LUC7L3: variants seen among roughly 807,000 people sequenced by gnomAD.
LUC7L3 encodes LUC7 like 3 pre-mRNA splicing factor, also known as luc7-like protein 3.
In LUC7L3, 6 loss-of-function variants were observed where a neutral mutation model predicts 66.8. The ratio of observed to expected loss-of-function variants is 0.09; its 90% confidence interval spans 0.05 to 0.18. LUC7L3 has a LOEUF of 0.18. LUC7L3 is among the 10% of genes least tolerant of loss of function. The pLI is 1.00. For synonymous variants in LUC7L3, 160 were observed against 174.7 expected (o/e 0.92, Z 0.66); for missense variants, 341 against 531.1 (o/e 0.64, Z 3.52).
intron 9 of LUC7L3, 117 bp from the exon 10 acceptor site, chr17:50,750,384 T>G: frequency 1.1e-6 from 1 of 939,218 alleles, no homozygotes; most frequent in Non-Finnish European, 1.6e-6. Context: ...AAACCGTTGC[T>G]TGCAGTCTGT....
In LUC7L3 at chr17:50,754,296, A is replaced by G. The variant is rs1597951935; in HGVS notation, c.*3635A>G. ...ACATACACAAAAGAGGAACAATATA[A>G]TTAACCTCTGTTAACTCATCACCAA... On this transcript the variant is annotated 3_prime_UTR_variant, in exon 10 of 10. Transcript: ENST00000505658. The G allele has an allele frequency of 6.6e-6, 1 of 152,352 alleles. No individual in the cohort carries two copies. The highest frequency in any genetic ancestry group is 1.9e-4 in the East Asian group (1 of 5,192). 9.4% of individuals were successfully genotyped at this position (152,352 alleles called of 1,614,324 possible).
rs9891776 is a variant in LUC7L3, at chr17:50,740,241, T to C, written c.167-65T>C. ...TTTTTAAAAAGAAAAATAACTCTTTTTTTTTGGCAAGAAAAGGTTGCTAAT... is the reference window on the plus strand; with the variant it reads ...TTTTTAAAAAGAAAAATAACTCTTTCTTTTTGGCAAGAAAAGGTTGCTAAT... On this transcript the variant is annotated intron_variant, in intron 2 of 9. Transcript: ENST00000505658. The C allele has an allele frequency of 6.8e-5, 85 of 1,246,374 alleles. No individual in the cohort carries two copies. In the African/African-American group the frequency reaches 1.2e-3, roughly 18 times the overall value. The allele number at this position is 1,246,374 out of a possible 1,614,324, so 77.2% of individuals were successfully genotyped here. A position where few individuals can be genotyped will look rare whatever the true frequency, so the allele number is the denominator to read the frequency against.
chr17:50,747,643 T>A (rs1241232972), intron 9 of LUC7L3, among the ~76,000 whole-genome samples: 2 of 152,240 alleles, frequency 1.3e-5, no homozygotes, highest in Non-Finnish European at 2.9e-5. Context: ...TATTATATCC[T>A]TTAATAGAAC....
In LUC7L3 at chr17:50,745,814, G is replaced by C; in HGVS notation, c.788G>C (p.Arg263Thr). The change falls in exon 8 of 10, where the codon AGA (arginine) becomes ACA (threonine). Residue 263 changes from arginine (R) to threonine (T), a missense_variant. By Grantham distance (71) the Arg-to-Thr change is moderately conservative (BLOSUM62 -1). This residue lies in a region of LUC7L3 where 210 missense variants were observed against 238.1 expected (regional missense o/e 0.88). Coordinates refer to ENST00000505658, the MANE Select transcript of LUC7L3 (RefSeq NM_016424.5). ...GAAGAAAGAGAAAAAGAACGGGAGAGAGAAAGGGAAGAAAGAGAAAGGAAA... is the reference window on the plus strand; with the variant it reads ...GAAGAAAGAGAAAAAGAACGGGAGACAGAAAGGGAAGAAAGAGAAAGGAAA... Reference protein sequence around the residue: ...EREEREKEREREREERERKRR... With the variant: ...EREEREKERETEREERERKRR... 1 of 1,590,112 alleles carries C rather than the reference G, an allele frequency of 6.3e-7. No homozygotes were observed. Among genetic ancestry groups the C allele is most frequent in the Non-Finnish European group, 8.6e-7 (1 of 1,162,494 alleles).
intron 1 of LUC7L3, among the ~76,000 whole-genome samples, chr17:50,729,942 A>ATATATATATATATG (rs1969472661): frequency 3.2e-5 from 1 of 30,866 alleles, no homozygotes; most frequent in African/African-American, 1.1e-4. Flanking sequence ...ATATATATAT[A>ATATATATATATATG]TATGTATGTA....
At chr17:50,728,018 TGAGACGG>T (rs1360500266) in intron 1 of LUC7L3, among the ~76,000 whole-genome samples, 1 of 150,158 alleles carries the variant, frequency 6.7e-6, no homozygotes, top group Admixed American at 6.7e-5. Flanking sequence ...CTCGAGAGGC[TGAGACGG>T]GAGAATGGCG....
At chr17:50,743,111 C>T (rs1970449345) in intron 5 of LUC7L3, among the ~76,000 whole-genome samples, 1 of 152,116 alleles carries the variant, frequency 6.6e-6, no homozygotes, top group Non-Finnish European at 1.5e-5. Flanking sequence ...GAGTAGGTGG[C>T]TCACACCTGT....
At chr17:50,730,513 CAAAAAA>C (rs3063109) in intron 1 of LUC7L3, among the ~76,000 whole-genome samples, 63 of 59,096 alleles carry the variant, frequency 1.1e-3, no homozygotes, top group African/African-American at 4.2e-3. Flanking sequence ...ACTCTGTCTC[CAAAAAA>C]AAAAAAAAAA....
At chr17:50,749,114 G>C in intron 9 of LUC7L3, 1 of 782,288 alleles carries the variant, frequency 1.3e-6, no homozygotes, top group Admixed American at 2.7e-5. Flanking sequence ...CCAGTGTAAG[G>C]TGCTCTCTTT....
chr17:50,720,689 T>C (rs1393142969), intron 1 of LUC7L3, among the ~76,000 whole-genome samples: 1 of 152,260 alleles, frequency 6.6e-6, no homozygotes, highest in Non-Finnish European at 1.5e-5. Flanking sequence ...TTTGAGGTTA[T>C]AATCTAACAT....
intron 1 of LUC7L3, among the ~76,000 whole-genome samples, 197 bp downstream of exon 1, chr17:50,720,028 G>C (rs1466280570): frequency 6.6e-6 from 1 of 152,230 alleles, no homozygotes; most frequent in African/African-American, 2.4e-5. Flanking sequence ...TGTTGTTCTA[G>C]TATCAAGGGG....
intron 1 of LUC7L3, chr17:50,723,662 T>G (rs55972933): frequency 8.0e-6 from 1 of 125,674 alleles, no homozygotes; most frequent in African/African-American, 3.6e-5. Context: ...CCCCCCCCCC[T>G]TTTTTTTTTT....
chr17:50,750,539 T>A lies in LUC7L3; in HGVS notation c.1177T>A (p.Ser393Thr). 1 of 1,614,010 alleles carries A rather than the reference T, an allele frequency of 6.2e-7. No homozygotes were observed. ...TGATGATAAAAAAAGTAGTGTGAAG[T>A]CCGGTAGTCGAGAAAAGCAGAGTGA... ...GSDDKKSSVKSGSREKQSEDT... is the reference protein window; with the variant it reads ...GSDDKKSSVKTGSREKQSEDT... The change falls in exon 10 of 10, where the codon TCC (serine) becomes ACC (threonine). Residue 393 changes from serine (S) to threonine (T), a missense_variant. Physicochemically the swap from Ser to Thr is moderately conservative, Grantham distance 58. Transcript: ENST00000505658.
intron 1 of LUC7L3, among the ~76,000 whole-genome samples, chr17:50,720,787 T>C (rs919781191): frequency 6.6e-6 from 1 of 152,222 alleles, no homozygotes; most frequent in Non-Finnish European, 1.5e-5. Context: ...CTTACTCTTT[T>C]TAAACGTAGG....
intron 1 of LUC7L3, among the ~76,000 whole-genome samples, chr17:50,724,863 G>C (rs1969068122): frequency 6.7e-6 from 1 of 149,122 alleles, no homozygotes. Context: ...CCGGGTTCAA[G>C]CGATTCTCCT....
chr17:50,727,331 A>G (rs910447780), intron 1 of LUC7L3, among the ~76,000 whole-genome samples: 8 of 152,300 alleles, frequency 5.3e-5, no homozygotes, highest in African/African-American at 1.7e-4. Flanking sequence ...GCTGGTACCT[A>G]TCTGGTGAGG....
At chr17:50,738,820 A>C (rs1381108755) in intron 2 of LUC7L3, among the ~76,000 whole-genome samples, 1 of 152,062 alleles carries the variant, frequency 6.6e-6, no homozygotes, top group Non-Finnish European at 1.5e-5. Flanking sequence ...TAGGTTGAGC[A>C]GGTCCTACAA....
chr17:50,735,221 A>T (rs1350112546), intron 1 of LUC7L3, among the ~76,000 whole-genome samples: 1 of 136,336 alleles, frequency 7.3e-6, no homozygotes, highest in Non-Finnish European at 1.5e-5. Context: ...CAAGAGCGAA[A>T]CTCTGTCTCA....
intron 1 of LUC7L3, among the ~76,000 whole-genome samples, chr17:50,721,608 A>G (rs1323275489): frequency 2.0e-5 from 3 of 152,206 alleles, no homozygotes; most frequent in Non-Finnish European, 4.4e-5. Context: ...CTGCAGGGAA[A>G]ATGTTGGTAG....
Sources: gnomAD v4.1 joint callset for allele counts (sites outside exome capture counted in the v4.1 genomes callset) on GRCh38, gnomAD v4.1.1 for gene constraint, gnomAD v4.1.1 regional missense constraint, MANE v1.5 for transcripts, NCBI Gene and HGNC (gene_info 2026-07-23, HGNC 2026-07-21) for gene names.